EVI5L: variants seen among roughly 807,000 people sequenced by gnomAD.
The protein encoded by EVI5L is EVI5-like protein.
In EVI5L, 30 loss-of-function variants were observed where a neutral mutation model predicts 106.1. The ratio of observed to expected loss-of-function variants is 0.28; its 90% CI spans 0.21 to 0.38. The LOEUF (loss-of-function observed/expected upper bound fraction) is 0.38. Ranked by LOEUF, EVI5L falls within the 10% of genes least tolerant of loss-of-function variation. EVI5L has a pLI of 1.00. For synonymous variants in EVI5L, 489 were observed against 483.3 expected (o/e 1.01, Z -0.15); for missense variants, 809 against 1,098.0 (o/e 0.74, Z 3.72).
intron 1 of EVI5L, among the ~76,000 whole-genome samples, chr19:7,834,281 G>A (rs943207690): frequency 1.1e-4 from 16 of 152,048 alleles, no homozygotes; most frequent in Admixed American, 2.6e-4. Flanking sequence ...CCAAGAACGC[G>A]CCACTGCATG....
intron 2 of EVI5L, among the ~76,000 whole-genome samples, chr19:7,846,923 G>A (rs760878629): frequency 7.2e-5 from 11 of 152,210 alleles, no homozygotes; most frequent in African/African-American, 9.7e-5. Context: ...TGAATCCGCC[G>A]CGGTTAATGG....
chr19:7,857,839 C>A lies in EVI5L; in HGVS notation c.1234-352C>A. 3.7e-6 allele frequency: 1 copy of A among 270,922 alleles called. No individual in the cohort carries two copies. The highest frequency in any genetic ancestry group is 7.1e-6 in the Non-Finnish European group (1 of 140,390). 16.8% of individuals were successfully genotyped at this position (270,922 alleles called of 1,614,324 possible). A position where few individuals can be genotyped will look rare whatever the true frequency, so the allele number is the denominator to read the frequency against. ...CCTCAGCTGTCCCCAGATCCTCACC[C>A]TCACCGGCAGAGTCTGGCATGAATA... On this transcript the variant is annotated intron_variant, in intron 12 of 19. Transcript: ENST00000538904. The surrounding 1 kb of genome is among the most constrained non-coding windows in gnomAD (Gnocchi z 4.5).
intron 10 of EVI5L, among the ~76,000 whole-genome samples, chr19:7,855,734 G>T (rs1049602169): frequency 6.6e-6 from 1 of 152,206 alleles, no homozygotes; most frequent in Non-Finnish European, 1.5e-5. Context: ...CGTGGGTACT[G>T]ACTGGCCCCC....
At chr19:7,854,050 G>C (rs1979403863) in intron 10 of EVI5L, among the ~76,000 whole-genome samples, 1 of 152,184 alleles carries the variant, frequency 6.6e-6, no homozygotes, top group Non-Finnish European at 1.5e-5. Context: ...GGGAGGCGGA[G>C]GCAGGTGGAT....
intron 8 of EVI5L, chr19:7,852,827 A>G: frequency 6.2e-6 from 3 of 483,200 alleles, no homozygotes; most frequent in Non-Finnish European, 1.1e-5. Flanking sequence ...CATTGGGATT[A>G]TATGAATGAG....
At chr19:7,853,829 G>T (rs920176748) in intron 10 of EVI5L, among the ~76,000 whole-genome samples, 1 of 152,202 alleles carries the variant, frequency 6.6e-6, no homozygotes, top group Non-Finnish European at 1.5e-5. Context: ...AGACACCAGG[G>T]TGTGTAGGGC....
intron 1 of EVI5L, among the ~76,000 whole-genome samples, chr19:7,833,958 C>T (rs905250147): frequency 6.6e-6 from 1 of 152,178 alleles, no homozygotes. Flanking sequence ...AGAGACTTAC[C>T]CTTTTGAGGG....
chr19:7,856,983 A>G lies in EVI5L; in HGVS notation c.1201-109A>G, dbSNP rs1317295191. On this transcript the variant is annotated intron_variant, in intron 11 of 19. Transcript: ENST00000538904. The surrounding 1 kb of genome is among the most constrained non-coding windows in gnomAD (Gnocchi z 6.6). The stretch of plus-strand genomic sequence containing the variant: ...TCCTCTCTCCCCCGCTTCTAGAGAT[A>G]GTCCACTGCGTTAGTGACAAGTGGT... The G allele has an allele frequency of 9.0e-7, 1 of 1,111,420 alleles. No individual in the cohort carries two copies. Among genetic ancestry groups the G allele is most frequent in the South Asian group, 1.3e-5 (1 of 75,458 alleles). The allele number at this position is 1,111,420 out of a possible 1,614,324, so 68.8% of individuals were successfully genotyped here. A position where few individuals can be genotyped will look rare whatever the true frequency, so the allele number is the denominator to read the frequency against.
chr19:7,844,512 T>A (rs1173843032), intron 1 of EVI5L, among the ~76,000 whole-genome samples: 2 of 152,298 alleles, frequency 1.3e-5, no homozygotes, highest in South Asian at 4.1e-4. Flanking sequence ...CTCCCAGCTC[T>A]GAAGCTACCC....
intron 8 of EVI5L, 35 bp from the exon 9 acceptor site, chr19:7,853,051 T>A: frequency 6.2e-7 from 1 of 1,612,168 alleles, no homozygotes; most frequent in Non-Finnish European, 8.5e-7. Flanking sequence ...AGGGCCTGCA[T>A]GTTGGTGACC....
chr19:7,836,699 C>T (rs557621969), intron 1 of EVI5L, among the ~76,000 whole-genome samples: 29 of 151,714 alleles, frequency 1.9e-4, no homozygotes, highest in African/African-American at 6.5e-4. Context: ...AGTGCAGTGG[C>T]GTAATTTCAG....
At chr19:7,840,836 G>T (rs1178118436) in intron 1 of EVI5L, among the ~76,000 whole-genome samples, 2 of 151,998 alleles carry the variant, frequency 1.3e-5, no homozygotes, top group Non-Finnish European at 2.9e-5. Flanking sequence ...CCACTGTCTG[G>T]GTGGACCATG....
In EVI5L at chr19:7,835,730, C is replaced by T. The variant is rs956776891; in HGVS notation, c.-48+5349C>T. Among the ~76,000 whole-genome samples the T allele has an allele frequency of 2.0e-5, 3 of 152,134 alleles. No individual in the cohort carries two copies. The highest frequency in any genetic ancestry group is 7.2e-5 in the African/African-American group (3 of 41,422). On this transcript the variant is annotated intron_variant, in intron 1 of 19. Transcript: ENST00000538904. This position sits in a 1 kb window ranked among gnomAD's most constrained non-coding sequence, Gnocchi z 4.1. ...AATTCAAGCCGCTGTTCTTGTTATC[C>T]AAGGGGCAGCTCACCTGTCAGTTGT...
intron 1 of EVI5L, among the ~76,000 whole-genome samples, chr19:7,843,958 A>G (rs1477030397): frequency 1.3e-5 from 2 of 152,042 alleles, no homozygotes; most frequent in Non-Finnish European, 1.5e-5. Flanking sequence ...TGTATTTAAT[A>G]CATTTCACTT....
chr19:7,855,030 G>A (rs899695009), intron 10 of EVI5L, among the ~76,000 whole-genome samples: 6 of 152,120 alleles, frequency 3.9e-5, no homozygotes, highest in Non-Finnish European at 7.3e-5. Flanking sequence ...AGGGGGCACA[G>A]GTACAGTCGA....
chr19:7,849,341 G>C lies in EVI5L; in HGVS notation c.627+11G>C, dbSNP rs1353770376. On this transcript the variant is annotated intron_variant, in intron 5 of 19. Coordinates refer to ENST00000538904, the MANE Select transcript of EVI5L (RefSeq NM_001159944.3). ...CTGCTCCTCATGCAGGTAGGTGGCTGGGGGGTGGCTGGGCTCCTGCCAGAC... is the reference window on the plus strand; with the variant it reads ...CTGCTCCTCATGCAGGTAGGTGGCTCGGGGGTGGCTGGGCTCCTGCCAGAC... 3 of 1,613,002 alleles carry C rather than the reference G, an allele frequency of 1.9e-6. No homozygotes were observed. The highest frequency in any genetic ancestry group is 1.7e-5 in the Admixed American group (1 of 59,980).
intron 1 of EVI5L, among the ~76,000 whole-genome samples, chr19:7,843,442 G>GTA (rs1277644809): frequency 2.9e-5 from 4 of 140,084 alleles, no homozygotes; most frequent in East Asian, 4.2e-4. Context: ...GAGTGTGTGT[G>GTA]TATGGGTGTG....
chr19:7,835,079 G>C lies in EVI5L; in HGVS notation c.-48+4698G>C, dbSNP rs907767743. Among the ~76,000 whole-genome samples the C allele has an allele frequency of 6.6e-6, 1 of 152,016 alleles. No homozygotes were observed. The highest frequency in any genetic ancestry group is 1.5e-5 in the Non-Finnish European group (1 of 68,032). On this transcript the variant is annotated intron_variant, in intron 1 of 19. Coordinates refer to ENST00000538904, the MANE Select transcript of EVI5L (RefSeq NM_001159944.3). The surrounding 1 kb of genome is among the most constrained non-coding windows in gnomAD (Gnocchi z 4.1). ...TTGAGCTCAGGAGTTGGAGCCTGCA[G>C]TTGGCTATGATTGTACCACTATACT...
chr19:7,848,009 G>C lies in EVI5L; in HGVS notation c.327+88G>C, dbSNP rs950475753. Reference sequence around the variant, plus strand: ...GCCACCAGGCAGCGCCAGGGTCTGCGGGGCCCCAGCCTGGGCACAGCGGCA... The same window carrying C: ...GCCACCAGGCAGCGCCAGGGTCTGCCGGGCCCCAGCCTGGGCACAGCGGCA... On this transcript the variant is annotated intron_variant, in intron 3 of 19. Transcript: ENST00000538904. The surrounding 1 kb of genome is among the most constrained non-coding windows in gnomAD (Gnocchi z 4.8). 2 of 1,416,324 alleles carry C rather than the reference G, an allele frequency of 1.4e-6. No homozygotes were observed. The highest frequency in any genetic ancestry group is 2.9e-5 in the African/African-American group (2 of 69,148). 87.7% of individuals were successfully genotyped at this position (1,416,324 alleles called of 1,614,324 possible). A position where few individuals can be genotyped will look rare whatever the true frequency, so the allele number is the denominator to read the frequency against.
Sources: allele counts gnomAD v4.1 joint callset (sites outside exome capture counted in the v4.1 genomes callset), GRCh38; gene constraint gnomAD v4.1.1; non-coding constraint Gnocchi (gnomAD v3.1); transcripts MANE v1.5; gene names NCBI Gene and HGNC (gene_info 2026-07-23, HGNC 2026-07-21).